Variants in FRMD4A observed in about 807,000 individuals in gnomAD.
FRMD4A encodes FERM domain containing 4A, also known as FERM domain-containing protein 4A.
Under a neutral mutation model 129.1 loss-of-function variants are expected in FRMD4A, and 29 were observed. The observed-to-expected ratio is 0.22, with a 90% CI of 0.17 to 0.31. The LOEUF is 0.31. FRMD4A is among the 10% of genes least tolerant of loss of function. The pLI is 1.00. For synonymous variants in FRMD4A, 634 were observed against 571.6 expected (o/e 1.11, Z -1.56); for missense variants, 1,272 against 1,375.8 (o/e 0.92, Z 1.19).
chr10:13,860,809 T>G (rs1400323772), intron 2 of FRMD4A, among the ~76,000 whole-genome samples: 2 of 152,146 alleles, frequency 1.3e-5, no homozygotes, highest in East Asian at 3.8e-4. Flanking sequence ...GACAGAGTCT[T>G]GCTCTGTTGT....
chr10:13,756,510 C>G (rs1040737327), intron 8 of FRMD4A, among the ~76,000 whole-genome samples: 2 of 152,122 alleles, frequency 1.3e-5, no homozygotes, highest in African/African-American at 4.8e-5. Context: ...TACAGGCACA[C>G]GCCACCATGC....
intron 2 of FRMD4A, among the ~76,000 whole-genome samples, chr10:14,134,426 G>T (rs1839427051): frequency 6.6e-6 from 1 of 151,090 alleles, no homozygotes; most frequent in South Asian, 2.1e-4. Context: ...GGGGATAGGT[G>T]GATGAATGGA....
intron 12 of FRMD4A, among the ~76,000 whole-genome samples, chr10:13,734,263 T>C (rs1361494821): frequency 6.6e-6 from 1 of 152,196 alleles, no homozygotes. Flanking sequence ...ACCCTCATCA[T>C]GTCCTGGTTT....
intron 2 of FRMD4A, among the ~76,000 whole-genome samples, chr10:13,957,999 T>C (rs1243745090): frequency 6.6e-6 from 1 of 152,150 alleles, no homozygotes; most frequent in East Asian, 1.9e-4. Context: ...ACTTCCTCCC[T>C]AGATCCTGCT....
chr10:14,009,635 G>A (rs2095674123), intron 2 of FRMD4A, among the ~76,000 whole-genome samples: 1 of 152,234 alleles, frequency 6.6e-6, no homozygotes, highest in Non-Finnish European at 1.5e-5. Flanking sequence ...GTGCCACGGC[G>A]GCGGCAGCAG....
At chr10:13,814,580 CAAAAAAA>C (rs553044764) in intron 3 of FRMD4A, among the ~76,000 whole-genome samples, 7 of 41,392 alleles carry the variant, frequency 1.7e-4, no homozygotes, top group South Asian at 1.2e-3. Flanking sequence ...GACCCTGTTT[CAAAAAAA>C]AAAAAAAAAA....
intron 2 of FRMD4A, among the ~76,000 whole-genome samples, chr10:14,089,927 T>G (rs777553841): frequency 1.3e-5 from 2 of 152,214 alleles, no homozygotes; most frequent in Admixed American, 1.3e-4. Flanking sequence ...TGTACAGATT[T>G]TTTCAGGAAA....
At chr10:13,768,950 T>C (rs987770333) in intron 6 of FRMD4A, among the ~76,000 whole-genome samples, 2 of 152,144 alleles carry the variant, frequency 1.3e-5, no homozygotes, top group African/African-American at 2.4e-5. Flanking sequence ...CTTTGTTCTT[T>C]AGTATGTCTT....
intron 2 of FRMD4A, among the ~76,000 whole-genome samples, chr10:13,912,518 G>T (rs796987820): frequency 2.5e-5 from 3 of 119,488 alleles, no homozygotes; most frequent in South Asian, 5.7e-4. Flanking sequence ...CCACATAATA[G>T]AATTTTTTTT....
Position 13,714,038 on chromosome 10 carries a change from A to ATATATTT in FRMD4A, c.760-6926_760-6925insAAATATA, listed in dbSNP as rs1554858983. 0.011 allele frequency among the ~76,000 whole-genome samples: 33 copies of ATATATTT among 2,918 alleles called. 4 individuals carry two copies. The Middle Eastern group carries it at 0.38, about 33-fold the overall frequency. 1.9% of individuals were successfully genotyped at this position (2,918 alleles called of 152,430 possible). A position where few individuals can be genotyped will look rare whatever the true frequency, so the allele number is the denominator to read the frequency against. On this transcript the variant is annotated intron_variant, in intron 12 of 24. Coordinates refer to ENST00000357447, the MANE Select transcript of FRMD4A (RefSeq NM_018027.5). ...ATATATAAAATATACATATATATAT[A>ATATATTT]TATATATATATATATATATATAAAA...
At chr10:14,262,528 G>T (rs796883712) in intron 2 of FRMD4A, among the ~76,000 whole-genome samples, 6 of 152,256 alleles carry the variant, frequency 3.9e-5, no homozygotes, top group African/African-American at 1.4e-4. Context: ...GCTCAGTCTG[G>T]CTGGCATAAG....
At chr10:14,279,915 C>T (rs563194842) in intron 2 of FRMD4A, among the ~76,000 whole-genome samples, 2 of 152,320 alleles carry the variant, frequency 1.3e-5, no homozygotes, top group African/African-American at 4.8e-5. Flanking sequence ...TTCGCAGGTC[C>T]CACGTTTTAC....
chr10:14,270,473 T>G (rs1845127166), intron 2 of FRMD4A, among the ~76,000 whole-genome samples: 1 of 152,176 alleles, frequency 6.6e-6, no homozygotes, highest in African/African-American at 2.4e-5. Flanking sequence ...TCCTCACCTA[T>G]CCATCTTCTT....
intron 2 of FRMD4A, among the ~76,000 whole-genome samples, chr10:13,904,940 C>CGGAGATTG (rs1445379853): frequency 8.9e-5 from 11 of 123,918 alleles, no homozygotes; most frequent in Non-Finnish European, 1.6e-4. Context: ...TTGCAGTGAG[C>CGGAGATTG]GGAGATTGTG....
chr10:13,650,481 C>CTCTT (rs1420849817), intron 24 of FRMD4A, among the ~76,000 whole-genome samples: 6 of 152,210 alleles, frequency 3.9e-5, no homozygotes, highest in African/African-American at 1.2e-4. Context: ...CCCACCGCAG[C>CTCTT]TCTTTCAAAC....
chr10:14,202,813 C>G (rs1490864423), intron 2 of FRMD4A, among the ~76,000 whole-genome samples: 1 of 152,164 alleles, frequency 6.6e-6, no homozygotes. Flanking sequence ...CTCTCTGTCA[C>G]CCAGGCTGGA....
At chr10:14,273,857 A>G (rs1000605687) in intron 2 of FRMD4A, among the ~76,000 whole-genome samples, 1 of 152,220 alleles carries the variant, frequency 6.6e-6, no homozygotes, top group Non-Finnish European at 1.5e-5. Context: ...TAGTCAATCA[A>G]CAAACACTTT....
chr10:14,056,395 C>T (rs774182955), intron 2 of FRMD4A, among the ~76,000 whole-genome samples: 29 of 151,648 alleles, frequency 1.9e-4, no homozygotes, highest in Non-Finnish European at 3.4e-4. Flanking sequence ...CCCAACCCCC[C>T]GTGATTGAAA....
chr10:13,859,167 C>G (rs1202853745), intron 2 of FRMD4A, among the ~76,000 whole-genome samples: 1 of 152,190 alleles, frequency 6.6e-6, no homozygotes, highest in Non-Finnish European at 1.5e-5. Context: ...CACCTGAGGT[C>G]AGGAGTTTGA....
Sources: gnomAD v4.1 joint callset for allele counts (sites outside exome capture counted in the v4.1 genomes callset) on GRCh38, gnomAD v4.1.1 for gene constraint, MANE v1.5 for transcripts, NCBI Gene and HGNC (gene_info 2026-07-23, HGNC 2026-07-21) for gene names.